Variants in MAPK8 observed in about 807,000 individuals in gnomAD.
MAPK8 encodes the protein mitogen-activated protein kinase 8.
Under a neutral mutation model 52.9 loss-of-function variants are expected in MAPK8, and 13 were observed. That is an observed-to-expected ratio of 0.25 (90% confidence interval 0.16 to 0.39). MAPK8 has a LOEUF of 0.39. Among genes scored for constraint, MAPK8 ranks in the 10% least tolerant of loss-of-function variants. The probability of loss-of-function intolerance (pLI) is 1.00; values close to 1 mark genes in which losing one functional copy is unlikely to be tolerated. For synonymous variants in MAPK8, 191 were observed against 169.8 expected, an observed-to-expected ratio of 1.12 and a Z score of -0.97; for missense variants, 300 against 519.2, an observed-to-expected ratio of 0.58 and a Z score of 4.10.
chr10:48,419,498 T>G (rs1263811148), intron 5 of MAPK8, among the ~76,000 whole-genome samples: 3 of 152,158 alleles, frequency 2.0e-5, no homozygotes, highest in Non-Finnish European at 2.9e-5. Context: ...AATTCTGAAT[T>G]ATTCAGTAGT....
At chr10:48,315,576 T>A (rs1440761814) in intron 1 of MAPK8, among the ~76,000 whole-genome samples, 1 of 150,162 alleles carries the variant, frequency 6.7e-6, no homozygotes, top group Non-Finnish European at 1.5e-5. Flanking sequence ...CATTAAAATT[T>A]TTTTTTGCTG....
In MAPK8 at chr10:48,387,484, TTG is replaced by T. The variant is rs143566979; in HGVS notation, c.-49-14124_-49-14123del. On this transcript the variant is annotated intron_variant, in intron 1 of 11. Transcript: ENST00000374189. ...AGAGCTCAGATTAATTTTTATAAAA[TTG>T]TGTAAGATTTTATAAGATTATATAT... Among the ~76,000 whole-genome samples the T allele has an allele frequency of 3.9e-3, 596 of 152,250 alleles. 3 individuals are homozygous for T. The highest frequency in any genetic ancestry group is 6.6e-3 in the Non-Finnish European group (447 of 68,006).
At chr10:48,352,376 C>G (rs376400096) in intron 1 of MAPK8, among the ~76,000 whole-genome samples, 1 of 150,522 alleles carries the variant, frequency 6.6e-6, no homozygotes, top group South Asian at 2.1e-4. Context: ...TAATCCTTAA[C>G]AAAATGTTAA....
At chr10:48,331,441 C>T (rs1240168584) in intron 1 of MAPK8, among the ~76,000 whole-genome samples, 1 of 152,186 alleles carries the variant, frequency 6.6e-6, no homozygotes, top group Non-Finnish European at 1.5e-5. Context: ...TTAGATTTTT[C>T]TCAGAGTTAA....
chr10:48,432,972 T>TACC (rs1190934981), intron 11 of MAPK8, among the ~76,000 whole-genome samples: 1 of 152,194 alleles, frequency 6.6e-6, no homozygotes, highest in East Asian at 1.9e-4. Flanking sequence ...ATAACCACAG[T>TACC]ACCATTTCCA....
chr10:48,383,117 G>T (rs533475286), intron 1 of MAPK8, among the ~76,000 whole-genome samples: 1 of 151,206 alleles, frequency 6.6e-6, no homozygotes, highest in Non-Finnish European at 1.5e-5. Flanking sequence ...TTTAACCAAG[G>T]GTACCTTTCC....
intron 1 of MAPK8, among the ~76,000 whole-genome samples, chr10:48,393,535 G>A (rs2041736785): frequency 6.6e-6 from 1 of 151,924 alleles, no homozygotes; most frequent in South Asian, 2.1e-4. Flanking sequence ...GTAATACCAC[G>A]GACTAGATTT....
chr10:48,350,433 C>G (rs1002293143), intron 1 of MAPK8, among the ~76,000 whole-genome samples: 1 of 152,254 alleles, frequency 6.6e-6, no homozygotes, highest in African/African-American at 2.4e-5. Context: ...ATCAAGTCTG[C>G]TTCATCCCTG....
chr10:48,332,602 A>G (rs1045651036), intron 1 of MAPK8, among the ~76,000 whole-genome samples: 10 of 152,174 alleles, frequency 6.6e-5, no homozygotes, highest in Non-Finnish European at 1.3e-4. Context: ...GGATCAGGCT[A>G]AATAGTCTAA....
At position 48,436,310 on chromosome 10, in the gene MAPK8, A is replaced by G. The variant is rs2133415028; in HGVS notation, c.*1281A>G. The G allele has an allele frequency of 6.6e-6, 1 of 152,314 alleles. No homozygotes were observed. Among genetic ancestry groups the G allele is most frequent in the South Asian group, 2.1e-4 (1 of 4,828 alleles). 9.4% of individuals were successfully genotyped at this position (152,314 alleles called of 1,614,324 possible). ...AACATAACACGCAATGTGGATGTCG[A>G]GTAGTGTTAAGAATGGTGCTGCTCC... On this transcript the variant is annotated 3_prime_UTR_variant, in exon 12 of 12. Coordinates refer to ENST00000374189, the MANE Select transcript of MAPK8 (RefSeq NM_001323329.2).
chr10:48,428,727 A>C (rs1589281737), intron 10 of MAPK8, among the ~76,000 whole-genome samples: 1 of 152,242 alleles, frequency 6.6e-6, no homozygotes, highest in Non-Finnish European at 1.5e-5. Flanking sequence ...CTGAGTATGT[A>C]TGAAAACATT....
chr10:48,330,387 C>CT lies in MAPK8; in HGVS notation c.-50+23571dup, dbSNP rs547235580. 2.6e-3 allele frequency among the ~76,000 whole-genome samples: 400 copies of CT among 152,202 alleles called. 3 individuals carry two copies. Among genetic ancestry groups the CT allele is most frequent in the Non-Finnish European group, 4.6e-3 (311 of 67,996 alleles). ...ATATAATACTAGAAGTGTTATTTGC[C>CT]TTTTTCATGTCTGTTCTCAAGAGTT... is the stretch of plus-strand genomic sequence containing the variant. On this transcript the variant is annotated intron_variant, in intron 1 of 11. Transcript: ENST00000374189.
At chr10:48,395,590 A>T (rs1303001919) in intron 1 of MAPK8, among the ~76,000 whole-genome samples, 1 of 152,112 alleles carries the variant, frequency 6.6e-6, no homozygotes, top group Non-Finnish European at 1.5e-5. Context: ...CACTGTTAAC[A>T]CAATTCCTAT....
chr10:48,345,915 T>C (rs556807743), intron 1 of MAPK8, among the ~76,000 whole-genome samples: 9 of 152,252 alleles, frequency 5.9e-5, no homozygotes, highest in African/African-American at 2.2e-4. Context: ...CCAAAGAACA[T>C]AGAAGAGTCA....
At chr10:48,322,379 A>G (rs1843085122) in intron 1 of MAPK8, among the ~76,000 whole-genome samples, 1 of 152,132 alleles carries the variant, frequency 6.6e-6, no homozygotes, top group Non-Finnish European at 1.5e-5. Context: ...GACATTATAT[A>G]AGGAAAATTA....
chr10:48,344,731 C>T (rs973486597), intron 1 of MAPK8, among the ~76,000 whole-genome samples: 1 of 152,106 alleles, frequency 6.6e-6, no homozygotes. Flanking sequence ...TTTCTACCTT[C>T]CAAATGCATA....
chr10:48,378,709 C>G (rs1387297224), intron 1 of MAPK8, among the ~76,000 whole-genome samples: 1 of 151,706 alleles, frequency 6.6e-6, no homozygotes, highest in Non-Finnish European at 1.5e-5. Flanking sequence ...TGTCTCTAGT[C>G]TCCCTTTTAT....
chr10:48,382,905 T>C, intron 1 of MAPK8, among the ~76,000 whole-genome samples: 1 of 135,762 alleles, frequency 7.4e-6, no homozygotes, highest in African/African-American at 2.6e-5. Flanking sequence ...TATAGCTATG[T>C]GTATATATAT....
At chr10:48,330,177 G>A (rs991153257) in intron 1 of MAPK8, among the ~76,000 whole-genome samples, 4 of 152,122 alleles carry the variant, frequency 2.6e-5, no homozygotes, top group African/African-American at 9.7e-5. Flanking sequence ...CTAGGAAATA[G>A]ATTTTGTTTA....
Sources: allele counts gnomAD v4.1 joint callset (sites outside exome capture counted in the v4.1 genomes callset), GRCh38; gene constraint gnomAD v4.1.1; transcripts MANE v1.5; gene names NCBI Gene and HGNC (gene_info 2026-07-23, HGNC 2026-07-21).